The following ATG16L1 variants were observed in gnomAD, a reference collection of about 807,000 sequenced individuals.
ATG16L1 encodes the protein autophagy-related protein 16-1.
Under a neutral mutation model 88.5 loss-of-function variants are expected in ATG16L1, and 37 were observed. The ratio of observed to expected loss-of-function variants is 0.42; its 90% CI spans 0.32 to 0.55. The LOEUF (loss-of-function observed/expected upper bound fraction) is 0.55. Among genes scored for constraint, ATG16L1 ranks in the 20% least tolerant of loss-of-function variants. The pLI is 0.13. For missense variants in ATG16L1, 554 were observed against 752.8 expected (o/e 0.74, Z 3.09); for synonymous variants, 301 against 281.0 (o/e 1.07, Z -0.71).
chr2:233,290,007 TG>T (rs1277691982), intron 13 of ATG16L1, 33 bp downstream of exon 13: 13 of 1,605,434 alleles, frequency 8.1e-6, no homozygotes, highest in Non-Finnish European at 1.1e-5. Context: ...TCTGTGTATA[TG>T]CTTAGATGTT....
rs769738554 is a variant in ATG16L1 at position 233,273,003 on chromosome 2, G to C, written c.745G>C (p.Asp249His). 1 of 1,614,044 alleles carries C rather than the reference G, an allele frequency of 6.2e-7. No individual in the cohort carries two copies. The highest frequency in any genetic ancestry group is 8.5e-7 in the Non-Finnish European group (1 of 1,179,974). Reference protein sequence around the residue: ...DIEVIVDETSDHTEETSPVRA... With the variant: ...DIEVIVDETSHHTEETSPVRA... ...TGAGGTCATTGTGGATGAAACTTCT[G>C]ATCACACAGAAGAGACCTCTCCTGT... is the stretch of plus-strand genomic sequence containing the variant. The change falls in exon 7 of 18, where the codon GAT becomes CAT. Residue 249 changes from aspartate (D) to histidine (H), a missense_variant. Coordinates refer to ENST00000392017, the MANE Select transcript of ATG16L1 (RefSeq NM_030803.7).
At chr2:233,268,126 C>T (rs1360312489) in intron 5 of ATG16L1, among the ~76,000 whole-genome samples, 5 of 152,186 alleles carry the variant, frequency 3.3e-5, no homozygotes, top group East Asian at 1.9e-4. Context: ...TATGCTGCCA[C>T]GTGTCCCTGT....
chr2:233,290,381 G>A (rs1305042169), intron 14 of ATG16L1, 28 bp downstream of exon 14: 2 of 1,518,880 alleles, frequency 1.3e-6, no homozygotes, highest in Non-Finnish European at 9.1e-7. Flanking sequence ...CTGACTGGAG[G>A]CACATAAGAG....
At position 233,286,581 on chromosome 2, in the gene ATG16L1, A is replaced by G. The variant is rs532722934; in HGVS notation, c.1204-3273A>G. ...CAGTGAGTCAGCCTCAGGCAGCTCCAGCTTATTCTCACTGAGAATAAGGTG... is the reference window on the plus strand; with the variant it reads ...CAGTGAGTCAGCCTCAGGCAGCTCCGGCTTATTCTCACTGAGAATAAGGTG... On this transcript the variant is annotated intron_variant, in intron 12 of 17. Transcript: ENST00000392017. 1.3e-3 allele frequency among the ~76,000 whole-genome samples: 193 copies of G among 149,138 alleles called. 3 individuals carry two copies. The highest frequency in any genetic ancestry group is 4.4e-3 in the African/African-American group (177 of 40,230).
At chr2:233,289,108 T>C (rs1372598622) in intron 12 of ATG16L1, among the ~76,000 whole-genome samples, 1 of 152,220 alleles carries the variant, frequency 6.6e-6, no homozygotes, top group East Asian at 1.9e-4. Flanking sequence ...TAATTTGATA[T>C]AATTCAGACA....
chr2:233,292,402 G>A lies in ATG16L1; in HGVS notation c.1596G>A (p.Lys532=), dbSNP rs1699521286. Residue 532 remains lysine (K), a synonymous_variant, in exon 16 of 18, where the codon AAG becomes AAA. Transcript: ENST00000392017. ...IKQTFSAPGF[K]CGSDWTRVVF... is the part of the protein sequence containing the mutation. The stretch of plus-strand genomic sequence containing the variant: ...TTTGTTTCAGTGCACCTGGGTTCAA[G>A]TGCGGCTCTGACTGGACCAGAGTTG... 1.2e-6 allele frequency: 2 copies of A among 1,613,228 alleles called. No individual in the cohort carries two copies. The highest frequency in any genetic ancestry group is 1.3e-5 in the African/African-American group (1 of 74,920).
Position 233,256,106 on chromosome 2 carries a change from C to A in ATG16L1, c.120C>A (p.Asn40Lys). 6.2e-7 allele frequency: 1 copy of A among 1,613,118 alleles called. No individual in the cohort carries two copies. Among genetic ancestry groups the A allele is most frequent in the Non-Finnish European group, 8.5e-7 (1 of 1,179,372 alleles). The change falls in exon 2 of 18, where the codon AAC becomes AAA. Residue 40 changes from asparagine to lysine, a missense_variant. Around this residue, in one of 5 missense-constraint regions of ATG16L1, gnomAD observed 101 missense variants for 107.0 expected, o/e 0.94. Coordinates refer to ENST00000392017, the MANE Select transcript of ATG16L1 (RefSeq NM_030803.7). ...QAFEEIILQY[N>K]KLLEKSDLHS... ...CTGACTTTTTTATTTTAATAGATAACAAATTGCTGGAAAAGTCAGATCTTC... is the reference window on the plus strand; with the variant it reads ...CTGACTTTTTTATTTTAATAGATAAAAAATTGCTGGAAAAGTCAGATCTTC...
At chr2:233,285,530 C>T (rs557775123) in intron 12 of ATG16L1, among the ~76,000 whole-genome samples, 5 of 152,288 alleles carry the variant, frequency 3.3e-5, no homozygotes, top group South Asian at 2.1e-4. Context: ...CTGATGATGC[C>T]GTGCTGGGGC....
At chr2:233,254,568 G>A (rs1295059628) in intron 1 of ATG16L1, among the ~76,000 whole-genome samples, 1 of 152,132 alleles carries the variant, frequency 6.6e-6, no homozygotes, top group Non-Finnish European at 1.5e-5. Context: ...TTCTCTTCAG[G>A]GAGGAACCTT....
At chr2:233,261,467 A>G (rs1196540775) in intron 2 of ATG16L1, among the ~76,000 whole-genome samples, 1 of 152,190 alleles carries the variant, frequency 6.6e-6, no homozygotes, top group Non-Finnish European at 1.5e-5. Context: ...TCCACTGTCT[A>G]ATCTCTTGGC....
chr2:233,272,612 A>G (rs963348414), intron 6 of ATG16L1, among the ~76,000 whole-genome samples: 2 of 152,186 alleles, frequency 1.3e-5, no homozygotes, highest in Non-Finnish European at 2.9e-5. Context: ...TTCAACAGTG[A>G]TGCTGACTGT....
intron 10 of ATG16L1, among the ~76,000 whole-genome samples, chr2:233,279,132 C>G (rs902988326): frequency 2.0e-5 from 3 of 152,124 alleles, no homozygotes; most frequent in African/African-American, 7.2e-5. Context: ...GAGCTCTGAT[C>G]GCATCACTGC....
At chr2:233,285,692 A>G (rs542439586) in intron 12 of ATG16L1, among the ~76,000 whole-genome samples, 1 of 152,346 alleles carries the variant, frequency 6.6e-6, no homozygotes, top group African/African-American at 2.4e-5. Context: ...ACCAGGTTCC[A>G]GAAAGTAAAA....
intron 12 of ATG16L1, among the ~76,000 whole-genome samples, chr2:233,283,599 G>A (rs1431317313): frequency 6.6e-6 from 1 of 151,108 alleles, no homozygotes; most frequent in Non-Finnish European, 1.5e-5. Context: ...GCTCTTGTGT[G>A]GGGTACAGTA....
intron 14 of ATG16L1, 99 bp downstream of exon 14, chr2:233,290,452 A>G (rs1699386289): frequency 2.0e-6 from 2 of 980,366 alleles, no homozygotes; most frequent in Non-Finnish European, 3.3e-6. Context: ...CATGGCAGAA[A>G]TGAGTTTCGG....
chr2:233,278,277 A>G (rs1449726548), intron 10 of ATG16L1, among the ~76,000 whole-genome samples: 1 of 152,252 alleles, frequency 6.6e-6, no homozygotes, highest in Admixed American at 6.5e-5. Context: ...TAATGAAACC[A>G]TCTCTTAGAA....
intron 6 of ATG16L1, 142 bp downstream of exon 6, chr2:233,270,209 C>T: frequency 1.9e-6 from 1 of 535,544 alleles, no homozygotes; most frequent in Non-Finnish European, 3.1e-6. Flanking sequence ...GTGGTGTGAT[C>T]ATAGCTTCTA....
intron 5 of ATG16L1, chr2:233,266,037 TCA>T (rs2125229251): frequency 1.3e-5 from 2 of 152,138 alleles, no homozygotes; most frequent in African/African-American, 4.8e-5. Context: ...CTCTCACAAC[TCA>T]CAGAGAACAC....
At chr2:233,289,285 T>G (rs1479242182) in intron 12 of ATG16L1, among the ~76,000 whole-genome samples, 1 of 152,070 alleles carries the variant, frequency 6.6e-6, no homozygotes, top group Non-Finnish European at 1.5e-5. Context: ...TACCTCACCT[T>G]TGGCCAACAC....
Sources: allele counts gnomAD v4.1 joint callset (sites outside exome capture counted in the v4.1 genomes callset), GRCh38; gene constraint gnomAD v4.1.1; regional missense constraint gnomAD v4.1.1; transcripts MANE v1.5; gene names NCBI Gene and HGNC (gene_info 2026-07-23, HGNC 2026-07-21).